The following PSME3IP1 variants were observed in gnomAD, a reference collection of about 807,000 sequenced individuals.
The protein encoded by PSME3IP1 is proteasome activator subunit 3 interacting protein 1, also known as PSME3-interacting protein.
PSME3IP1 carries 13 observed loss-of-function variants against 34.1 expected under a neutral mutation model. That is an observed-to-expected ratio of 0.38 (90% CI 0.25 to 0.61). PSME3IP1 has a LOEUF of 0.61. Among genes scored for constraint, PSME3IP1 ranks in the 20% least tolerant of loss-of-function variants. The probability of loss-of-function intolerance (pLI) is 0.60; values close to 1 mark genes in which losing one functional copy is unlikely to be tolerated. For synonymous variants in PSME3IP1, 93 were observed against 114.3 expected, an observed-to-expected ratio of 0.81 and a Z score of 1.19; for missense variants, 237 against 301.4, an observed-to-expected ratio of 0.79 and a Z score of 1.58.
At chr16:57,165,040 A>AAAAAGAAAAAG (rs201383718) in intron 5 of PSME3IP1, among the ~76,000 whole-genome samples, 2 of 150,988 alleles carry the variant, frequency 1.3e-5, no homozygotes, top group African/African-American at 4.9e-5. Flanking sequence ...AAAAAAAAAG[A>AAAAAGAAAAAG]AAAAGAAAAA....
chr16:57,177,488 G>C (rs1248562404), intron 1 of PSME3IP1, among the ~76,000 whole-genome samples: 2 of 151,408 alleles, frequency 1.3e-5, no homozygotes, highest in Non-Finnish European at 2.9e-5. Flanking sequence ...CACTGTGCCC[G>C]GCCTACAATC....
intron 6 of PSME3IP1, among the ~76,000 whole-genome samples, chr16:57,159,875 A>G (rs1278521305): frequency 6.6e-6 from 1 of 152,160 alleles, no homozygotes; most frequent in Non-Finnish European, 1.5e-5. Flanking sequence ...CTATGCCAAG[A>G]GCATTTAACC....
In PSME3IP1 at chr16:57,153,527, C is replaced by G. The variant is rs1264650528; in HGVS notation, c.*763G>C. 6.6e-6 allele frequency: 1 copy of G among 152,172 alleles called. No individual in the cohort carries two copies. The highest frequency in any genetic ancestry group is 1.5e-5 in the Non-Finnish European group (1 of 68,036). 9.4% of individuals were successfully genotyped at this position (152,172 alleles called of 1,614,324 possible). The stretch of plus-strand genomic sequence containing the variant: ...GTAAACAAGGCCTACGTTTGTTTCT[C>G]TAAAATTTAGAATCTTAAACTAAAT... On this transcript the variant is annotated 3_prime_UTR_variant, in exon 7 of 7. Transcript: ENST00000309137.
chr16:57,158,550 C>A (rs902737341), intron 6 of PSME3IP1, among the ~76,000 whole-genome samples: 2 of 152,140 alleles, frequency 1.3e-5, no homozygotes, highest in Admixed American at 6.5e-5. Context: ...ATCGCACCAC[C>A]CCACTCCAGC....
At chr16:57,171,277 C>G (rs2072554269) in intron 4 of PSME3IP1, among the ~76,000 whole-genome samples, 3 of 152,206 alleles carry the variant, frequency 2.0e-5, no homozygotes, top group Admixed American at 2.0e-4. Flanking sequence ...TAAAGAAGGC[C>G]AGCAGGCTGC....
intron 4 of PSME3IP1, among the ~76,000 whole-genome samples, chr16:57,170,511 C>T (rs531251050): frequency 4.4e-4 from 67 of 152,320 alleles, no homozygotes; most frequent in African/African-American, 1.6e-3. Flanking sequence ...TGATGTTACT[C>T]AACATATAAG....
At chr16:57,170,893 T>G (rs187826188) in intron 4 of PSME3IP1, among the ~76,000 whole-genome samples, 1 of 152,286 alleles carries the variant, frequency 6.6e-6, no homozygotes, top group Admixed American at 6.5e-5. Flanking sequence ...ACCAATATGA[T>G]GAAACCTCGT....
rs771715346 is a variant in PSME3IP1, at chr16:57,154,313, T to G, written c.742A>C (p.Asn248His). The G allele has an allele frequency of 1.2e-6, 2 of 1,613,914 alleles. No individual in the cohort carries two copies. The highest frequency in any genetic ancestry group is 1.7e-6 in the Non-Finnish European group (2 of 1,179,978). Residue 248 changes from asparagine to histidine, a missense_variant, in exon 7 of 7, where the codon AAC becomes CAC. Physicochemically the swap from Asn to His is moderately conservative, Grantham distance 68. Coordinates refer to ENST00000309137, the MANE Select transcript of PSME3IP1 (RefSeq NM_024946.4). This position sits in a 1 kb window ranked among gnomAD's most constrained non-coding sequence, Gnocchi z 4.0. ...GKIVSSIFRT[N>H]TFLEAP ...AACTAGGGGGCCTCGAGGAAGGTGT[T>G]GGTTCGGAAGATGGAGGAGACAATC...
chr16:57,164,802 C>T (rs375071469), intron 5 of PSME3IP1, among the ~76,000 whole-genome samples: 2 of 152,040 alleles, frequency 1.3e-5, no homozygotes, highest in African/African-American at 2.4e-5. Context: ...GAGGCCAAGA[C>T]GGACGGATCA....
At chr16:57,164,573 C>G (rs1597635384) in intron 5 of PSME3IP1, among the ~76,000 whole-genome samples, 1 of 152,122 alleles carries the variant, frequency 6.6e-6, no homozygotes, top group East Asian at 1.9e-4. Context: ...AATAAACTGG[C>G]AAATACAAAT....
rs1379846275 is a variant in PSME3IP1 at position 57,178,437 on chromosome 16, T to C, written c.-15-4568A>G. On this transcript the variant is annotated intron_variant, in intron 1 of 6. Transcript: ENST00000309137. The stretch of plus-strand genomic sequence containing the variant: ...ATCTGTGACTGTTCCAACAGCTCTT[T>C]GTCTCCACAGTGCTTATTATTATTA... 1.8e-5 allele frequency: 10 copies of C among 544,212 alleles called. No individual in the cohort carries two copies. The East Asian group carries it at 1.3e-3, about 72-fold the overall frequency. The allele number at this position is 544,212 out of a possible 1,614,324, so 33.7% of individuals were successfully genotyped here.
intron 1 of PSME3IP1, among the ~76,000 whole-genome samples, chr16:57,184,728 A>G (rs1286402880): frequency 6.6e-6 from 1 of 152,256 alleles, no homozygotes; most frequent in Non-Finnish European, 1.5e-5. Flanking sequence ...GATGAAAGTG[A>G]AGACTGATAA....
intron 1 of PSME3IP1, among the ~76,000 whole-genome samples, chr16:57,180,353 G>C (rs561372477): frequency 0.034 from 5,123 of 152,278 alleles, 130 homozygotes; most frequent in Non-Finnish European, 0.047. Flanking sequence ...ACTTTGGGAG[G>C]CTGAGGCAGG....
In PSME3IP1 at chr16:57,173,714, C is replaced by G. The variant is rs1555491303; in HGVS notation, c.127+14G>C. The G allele has an allele frequency of 6.2e-7, 1 of 1,612,970 alleles. No homozygotes were observed. Among genetic ancestry groups the G allele is most frequent in the Non-Finnish European group, 8.5e-7 (1 of 1,179,682 alleles). On this transcript the variant is annotated intron_variant, in intron 2 of 6. Coordinates refer to ENST00000309137, the MANE Select transcript of PSME3IP1 (RefSeq NM_024946.4). ...TGTGGATTAAAGACCATTATACTGA[C>G]TGTCACAGTATACCTTCTGGATCTT... is the stretch of plus-strand genomic sequence containing the variant.
chr16:57,178,747 G>T, intron 1 of PSME3IP1: 1 of 984,622 alleles, frequency 1.0e-6, no homozygotes, highest in Non-Finnish European at 1.2e-6. Context: ...AAAAATAACT[G>T]CTACTTTCCG....
At chr16:57,165,963 G>A (rs2071824758) in intron 5 of PSME3IP1, among the ~76,000 whole-genome samples, 1 of 151,884 alleles carries the variant, frequency 6.6e-6, no homozygotes, top group Non-Finnish European at 1.5e-5. Context: ...AACTGACCCA[G>A]GTCCAAATCC....
At position 57,162,616 on chromosome 16, in the gene PSME3IP1, G is replaced by C. The variant is rs1403884726; in HGVS notation, c.547+1385C>G. Among the ~76,000 whole-genome samples, 3 of 138,110 alleles carry C rather than the reference G, an allele frequency of 2.2e-5. No homozygotes were observed. The Admixed American group carries it at 2.4e-4, about 11-fold the overall frequency. The allele number at this position is 138,110 out of a possible 152,430, so 90.6% of individuals were successfully genotyped here. A position where few individuals can be genotyped will look rare whatever the true frequency, so the allele number is the denominator to read the frequency against. ...GAAGGCAGAGGCTGCAATGAGCCAA[G>C]ATAACCCCACTACACTCTATCTTGG... On this transcript the variant is annotated intron_variant, in intron 6 of 6. Transcript: ENST00000309137.
intron 6 of PSME3IP1, among the ~76,000 whole-genome samples, chr16:57,158,403 C>T (rs2070818650): frequency 6.6e-6 from 1 of 151,570 alleles, no homozygotes; most frequent in African/African-American, 2.4e-5. Context: ...GCCTGGCCAA[C>T]ACAGGGAAAC....
At chr16:57,178,752 T>C in intron 1 of PSME3IP1, 1 of 985,000 alleles carries the variant, frequency 1.0e-6, no homozygotes, top group Non-Finnish European at 1.2e-6. Context: ...TAACTGCTAC[T>C]TTCCGTTAAT....
Sources: allele counts gnomAD v4.1 joint callset (sites outside exome capture counted in the v4.1 genomes callset), GRCh38; gene constraint gnomAD v4.1.1; non-coding constraint Gnocchi (gnomAD v3.1); transcripts MANE v1.5; gene names NCBI Gene and HGNC (gene_info 2026-07-23, HGNC 2026-07-21).